The following SYNPO2 variants were observed in gnomAD, a reference collection of about 807,000 sequenced individuals.
SYNPO2 encodes synaptopodin 2, also known as synaptopodin-2.
Under a neutral mutation model 85.0 loss-of-function variants are expected in SYNPO2, and 56 were observed. That is an observed-to-expected ratio of 0.66 (90% CI 0.53 to 0.82). The LOEUF is 0.82. Among genes scored for constraint, SYNPO2 ranks in the 40% least tolerant of loss-of-function variants. The pLI, the probability that SYNPO2 is intolerant of heterozygous loss-of-function variation, is 0.00. For synonymous variants in SYNPO2, 602 were observed against 591.1 expected, an observed-to-expected ratio of 1.02 and a Z score of -0.27; for missense variants, 1,575 against 1,534.2, an observed-to-expected ratio of 1.03 and a Z score of -0.44.
chr4:119,046,637 A>T (rs1221937191), intron 4 of SYNPO2, among the ~76,000 whole-genome samples: 3 of 152,244 alleles, frequency 2.0e-5, no homozygotes, highest in African/African-American at 7.2e-5. Flanking sequence ...GTTGAGCTAC[A>T]TGGCATTCCA....
intron 1 of SYNPO2, among the ~76,000 whole-genome samples, chr4:118,853,880 A>T (rs1731464034): frequency 6.6e-6 from 1 of 152,174 alleles, no homozygotes; most frequent in Non-Finnish European, 1.5e-5. Flanking sequence ...TATGTGCAGG[A>T]AAGAGGCTGG....
At chr4:118,941,714 A>G (rs1380727126) in intron 1 of SYNPO2, among the ~76,000 whole-genome samples, 3 of 152,164 alleles carry the variant, frequency 2.0e-5, no homozygotes, top group East Asian at 1.9e-4. Context: ...GAATGATAAC[A>G]TGGAGAGGCA....
intron 1 of SYNPO2, among the ~76,000 whole-genome samples, chr4:118,988,678 A>G (rs7655164): frequency 0.081 from 12,275 of 152,272 alleles, 631 homozygotes; most frequent in East Asian, 0.13. Context: ...GAGGAATTCA[A>G]TTGACATTAT....
At chr4:118,887,445 G>T (rs968605172), upstream of SYNPO2, among the ~76,000 whole-genome samples, 5 of 152,152 alleles carry the variant, frequency 3.3e-5, no homozygotes, top group Non-Finnish European at 5.9e-5. Context: ...ATTTGTGGTG[G>T]TTTTGAACTG....
In SYNPO2 at chr4:119,028,169, T is replaced by C. The variant is rs150890846; in HGVS notation, c.1069+731T>C. 5.5e-3 allele frequency among the ~76,000 whole-genome samples: 833 copies of C among 152,080 alleles called. 6 individuals are homozygous for C. The highest frequency in any genetic ancestry group is 0.019 in the African/African-American group (772 of 41,498). Reference sequence around the variant, plus strand: ...ACAGAAAGGAGAATTGGGATAAGAATTGCAGTTAGGTGTTAGGATTTCTAT... The same window carrying C: ...ACAGAAAGGAGAATTGGGATAAGAACTGCAGTTAGGTGTTAGGATTTCTAT... On this transcript the variant is annotated intron_variant, in intron 3 of 4. Transcript: ENST00000307142.
chr4:119,028,290 C>T (rs759111248), intron 3 of SYNPO2, among the ~76,000 whole-genome samples: 21 of 149,600 alleles, frequency 1.4e-4, no homozygotes, highest in Non-Finnish European at 2.4e-4. Flanking sequence ...GGCAAAGGCA[C>T]TTGACTGTAT....
intron 1 of SYNPO2, among the ~76,000 whole-genome samples, chr4:119,007,229 T>TATATATATAC (rs1737071667): frequency 2.1e-5 from 1 of 48,058 alleles, no homozygotes; most frequent in African/African-American, 9.2e-5. Context: ...TATATATATA[T>TATATATATAC]ATATATATAT....
intron 1 of SYNPO2, among the ~76,000 whole-genome samples, chr4:118,895,208 A>C (rs1319897978): frequency 6.6e-6 from 1 of 152,176 alleles, no homozygotes; most frequent in Non-Finnish European, 1.5e-5. Flanking sequence ...TCAGTCAACT[A>C]TCTGACTCTA....
intron 4 of SYNPO2, among the ~76,000 whole-genome samples, chr4:119,051,184 C>G (rs111997867): frequency 0.26 from 11,377 of 43,472 alleles, 708 homozygotes; most frequent in Non-Finnish European, 0.32. Context: ...CCATGGGAAG[C>G]AATTTTTTTT....
intron 3 of SYNPO2, among the ~76,000 whole-genome samples, chr4:119,028,701 T>C (rs1275085981): frequency 6.6e-6 from 1 of 152,108 alleles, no homozygotes; most frequent in African/African-American, 2.4e-5. Flanking sequence ...TTGGATTATA[T>C]TTTATTTAAA....
intron 1 of SYNPO2, among the ~76,000 whole-genome samples, chr4:118,929,009 A>T (rs1417687199): frequency 1.3e-5 from 2 of 152,156 alleles, no homozygotes; most frequent in Non-Finnish European, 2.9e-5. Flanking sequence ...TGAGGAAGGA[A>T]CTGTGTCTAT....
chr4:119,004,056 CT>C (rs1288612018), intron 1 of SYNPO2, among the ~76,000 whole-genome samples: 1 of 152,106 alleles, frequency 6.6e-6, no homozygotes, highest in African/African-American at 2.4e-5. Context: ...TGTTTTTAGA[CT>C]TTCAACAACA....
At chr4:118,977,104 G>T (rs1260205780) in intron 1 of SYNPO2, among the ~76,000 whole-genome samples, 2 of 152,220 alleles carry the variant, frequency 1.3e-5, no homozygotes, top group African/African-American at 4.8e-5. Context: ...GCAGGGGGTG[G>T]TGCTCGTCAG....
chr4:119,000,951 C>A (rs1175511011), intron 1 of SYNPO2, among the ~76,000 whole-genome samples: 1 of 152,136 alleles, frequency 6.6e-6, no homozygotes, highest in Non-Finnish European at 1.5e-5. Flanking sequence ...ATCTATTAGG[C>A]CTAGAGTTTC....
chr4:118,978,214 C>T (rs1735864279), intron 1 of SYNPO2, among the ~76,000 whole-genome samples: 1 of 152,208 alleles, frequency 6.6e-6, no homozygotes, highest in Non-Finnish European at 1.5e-5. Flanking sequence ...AGCCAAGTCA[C>T]ATCTTTCCCT....
chr4:118,867,920 C>T (rs1731729673), intron 1 of SYNPO2, among the ~76,000 whole-genome samples: 1 of 151,770 alleles, frequency 6.6e-6, no homozygotes, highest in African/African-American at 2.4e-5. Context: ...TGATCATTAT[C>T]TGATTGTGTT....
chr4:118,926,505 A>G (rs902388743), intron 1 of SYNPO2, among the ~76,000 whole-genome samples: 2 of 152,124 alleles, frequency 1.3e-5, no homozygotes, highest in Non-Finnish European at 2.9e-5. Flanking sequence ...AAAGAATAAT[A>G]AAGGTGATTA....
chr4:118,858,165 T>C (rs1731541439), intron 1 of SYNPO2, among the ~76,000 whole-genome samples: 1 of 152,176 alleles, frequency 6.6e-6, no homozygotes, highest in African/African-American at 2.4e-5. Context: ...GATGGTGACA[T>C]CTTCTCTATT....
At chr4:118,984,564 T>A (rs914932942) in intron 1 of SYNPO2, among the ~76,000 whole-genome samples, 2 of 152,216 alleles carry the variant, frequency 1.3e-5, no homozygotes, top group Admixed American at 1.3e-4. Flanking sequence ...ATTCTCAGGC[T>A]TCCAAACCTT....
Sources: allele counts gnomAD v4.1 joint callset (sites outside exome capture counted in the v4.1 genomes callset), GRCh38; gene constraint gnomAD v4.1.1; transcripts MANE v1.5; gene names NCBI Gene and HGNC (gene_info 2026-07-23, HGNC 2026-07-21).